Variants in CDC42SE2 observed in about 807,000 individuals in gnomAD.
CDC42SE2 encodes the protein CDC42 small effector 2, also known as CDC42 small effector protein 2.
CDC42SE2 carries 3 observed loss-of-function variants against 11.5 expected under a neutral mutation model. That is an observed-to-expected ratio of 0.26 (90% CI 0.12 to 0.67). CDC42SE2 has a LOEUF of 0.67. CDC42SE2 is among the 30% of genes least tolerant of loss of function. CDC42SE2 has a pLI of 0.80. For missense variants in CDC42SE2, 82 were observed against 106.8 expected, an observed-to-expected ratio of 0.77 and a Z score of 1.02; for synonymous variants, 33 against 34.8, an observed-to-expected ratio of 0.95 and a Z score of 0.18.
chr5:131,295,827 C>G (rs1053603045), intron 1 of CDC42SE2, among the ~76,000 whole-genome samples: 1 of 151,994 alleles, frequency 6.6e-6, no homozygotes, highest in East Asian at 1.9e-4. Flanking sequence ...GGACTACAGG[C>G]GCCCGCCACC....
At chr5:131,238,500 T>TAAA in the CDC42SE2 span, among the ~76,000 whole-genome samples, 2 of 103,494 alleles carry the variant, frequency 1.9e-5, no homozygotes, top group Non-Finnish European at 2.0e-5. Context: ...CAGACTCGTC[T>TAAA]AAAAAAAAAA....
intron 1 of CDC42SE2, among the ~76,000 whole-genome samples, chr5:131,271,307 T>C (rs1580723009): frequency 6.6e-6 from 1 of 152,108 alleles, no homozygotes; most frequent in Admixed American, 6.6e-5. Flanking sequence ...TCTTTCCAAC[T>C]CCTTCCATAA....
At chr5:131,361,573 T>C (rs1030788676) in intron 3 of CDC42SE2, among the ~76,000 whole-genome samples, 3 of 151,874 alleles carry the variant, frequency 2.0e-5, no homozygotes, top group African/African-American at 4.9e-5. Context: ...TAGTTTGCCT[T>C]GTGTTAACCA....
chr5:131,303,741 TACTC>T (rs1561577874), intron 1 of CDC42SE2, among the ~76,000 whole-genome samples: 1 of 152,244 alleles, frequency 6.6e-6, no homozygotes. Context: ...ATACAGCCTG[TACTC>T]ATTCATTGGA....
chr5:131,291,330 C>G (rs1757453813), intron 1 of CDC42SE2, among the ~76,000 whole-genome samples: 1 of 152,008 alleles, frequency 6.6e-6, no homozygotes, highest in Non-Finnish European at 1.5e-5. Context: ...AACACAGGTT[C>G]CTGGGAACCA....
chr5:131,382,744 C>T (rs1203709917), intron 3 of CDC42SE2, among the ~76,000 whole-genome samples: 1 of 152,148 alleles, frequency 6.6e-6, no homozygotes, highest in Non-Finnish European at 1.5e-5. Flanking sequence ...TGACAAGAAC[C>T]TAGAAGCTTC....
At chr5:131,317,173 A>C (rs934444056) in intron 2 of CDC42SE2, among the ~76,000 whole-genome samples, 1 of 151,982 alleles carries the variant, frequency 6.6e-6, no homozygotes, top group African/African-American at 2.4e-5. Flanking sequence ...TTATGAGTGA[A>C]GTTTGTTTTT....
At chr5:131,259,867 TTG>T (rs2149685876), upstream of CDC42SE2, among the ~76,000 whole-genome samples, 1 of 152,400 alleles carries the variant, frequency 6.6e-6, no homozygotes, top group East Asian at 1.9e-4. Context: ...TTGCCTGGAA[TTG>T]TGTCTGGCAC....
chr5:131,344,778 C>T (rs569015155), intron 2 of CDC42SE2, among the ~76,000 whole-genome samples: 1 of 152,298 alleles, frequency 6.6e-6, no homozygotes, highest in African/African-American at 2.4e-5. Context: ...CCTCATACAG[C>T]CAGGTGCCCC....
chr5:131,245,449 A>C (rs1756573152), upstream of CDC42SE2: 1 of 152,180 alleles, frequency 6.6e-6, no homozygotes, highest in Non-Finnish European at 1.5e-5. Flanking sequence ...CATACCAAGA[A>C]GAAGAAAAAA....
intron 1 of CDC42SE2, among the ~76,000 whole-genome samples, chr5:131,294,938 T>G (rs1757535098): frequency 6.6e-6 from 1 of 152,040 alleles, no homozygotes; most frequent in African/African-American, 2.4e-5. Flanking sequence ...CCATCCTGGC[T>G]AACATGGTGA....
intron 1 of CDC42SE2, among the ~76,000 whole-genome samples, chr5:131,270,916 C>T (rs1319202818): frequency 6.6e-6 from 1 of 151,536 alleles, no homozygotes; most frequent in Non-Finnish European, 1.5e-5. Context: ...CTTCAGGATG[C>T]AGCTTAGGAT....
intron 2 of CDC42SE2, chr5:131,354,793 T>A (rs1749484184): frequency 6.6e-6 from 1 of 152,188 alleles, no homozygotes. Flanking sequence ...TCCAAAAATC[T>A]GAAATCTGAA....
At chr5:131,276,401 A>G (rs1757103137) in intron 1 of CDC42SE2, among the ~76,000 whole-genome samples, 1 of 149,220 alleles carries the variant, frequency 6.7e-6, no homozygotes, top group Admixed American at 6.7e-5. Context: ...GTGAGCCGAG[A>G]TCTCACCACT....
intron 1 of CDC42SE2, among the ~76,000 whole-genome samples, chr5:131,247,003 CA>C (rs1351024654): frequency 6.6e-6 from 1 of 152,124 alleles, no homozygotes; most frequent in Non-Finnish European, 1.5e-5. Context: ...CTCAGTCCCC[CA>C]AAGTGCTGGG....
chr5:131,333,364 C>G (rs935462104), intron 2 of CDC42SE2, among the ~76,000 whole-genome samples: 1 of 152,314 alleles, frequency 6.6e-6, no homozygotes, highest in African/African-American at 2.4e-5. Flanking sequence ...TGTTTGGTTA[C>G]TGTAGCCTTG....
rs546303126 is a variant in CDC42SE2 at position 131,268,352 on chromosome 5, C to T, written c.-455+4186C>T. Reference sequence around the variant, plus strand: ...TGCTAGGATTACAGGCGTGAGCCACCGTGCCCGGTCAAGCTTATTCTTAAT... The same window carrying T: ...TGCTAGGATTACAGGCGTGAGCCACTGTGCCCGGTCAAGCTTATTCTTAAT... On this transcript the variant is annotated intron_variant, in intron 1 of 4. Coordinates refer to ENST00000505065, the MANE Select transcript of CDC42SE2 (RefSeq NM_001375635.1). Among the ~76,000 whole-genome samples the T allele has an allele frequency of 2.5e-4, 38 of 152,026 alleles. No individual in the cohort carries two copies. The South Asian group carries it at 7.5e-3, about 30-fold the overall frequency.
intron 2 of CDC42SE2, among the ~76,000 whole-genome samples, chr5:131,330,069 ATCAGCTAATGGTAT>A (rs1357160001): frequency 6.6e-6 from 1 of 152,100 alleles, no homozygotes; most frequent in African/African-American, 2.4e-5. Flanking sequence ...ATGTAGCATC[ATCAGCTAATGGTAT>A]TCAGCTAATA....
intron 2 of CDC42SE2, among the ~76,000 whole-genome samples, chr5:131,258,519 C>CT (rs915996343): frequency 2.6e-4 from 39 of 148,904 alleles, no homozygotes; most frequent in Middle Eastern, 3.5e-3. Flanking sequence ...CAATTCCTAA[C>CT]TTTTTTTTTT....
Sources: allele counts gnomAD v4.1 joint callset (sites outside exome capture counted in the v4.1 genomes callset), GRCh38; gene constraint gnomAD v4.1.1; transcripts MANE v1.5; gene names NCBI Gene and HGNC (gene_info 2026-07-23, HGNC 2026-07-21).